Variants in AHI1 observed in about 807,000 individuals in gnomAD.
The protein encoded by AHI1 is Abelson helper integration site 1, also known as jouberin.
AHI1 carries 123 observed loss-of-function variants against 149.3 expected under a neutral mutation model. The ratio of observed to expected loss-of-function variants is 0.82; its 90% CI spans 0.71 to 0.96. AHI1 has a LOEUF of 0.96. Among genes scored for constraint, AHI1 ranks in the 40% least tolerant of loss-of-function variants. The pLI is 0.00. For synonymous variants in AHI1, 475 were observed against 459.8 expected (o/e 1.03, Z -0.42); for missense variants, 1,439 against 1,422.7 (o/e 1.01, Z -0.18).
rs755957905 is a variant in AHI1 at position 135,318,531 on chromosome 6, T to C, written c.3414A>G (p.Pro1138=). The C allele has an allele frequency of 3.8e-6, 6 of 1,588,550 alleles. No homozygotes were observed. In the South Asian group the frequency reaches 5.8e-5, roughly 15 times the overall value. The change falls in exon 26 of 29, where the codon CCA becomes CCG. Residue 1138 remains proline (P), a synonymous_variant. Coordinates refer to ENST00000265602, the MANE Select transcript of AHI1 (RefSeq NM_001134831.2). ...CAAAAACATTTACCTTTTGAGGAGC[T>C]GGAGATTTTTCTATTTTAGTTTTTT... ...PEEKTKIEKS[P]APQKQSINKN...
intron 20 of AHI1, among the ~76,000 whole-genome samples, chr6:135,423,198 T>C (rs975288102): frequency 1.1e-4 from 17 of 152,302 alleles, no homozygotes; most frequent in African/African-American, 3.6e-4. Flanking sequence ...CAGTAAATGC[T>C]TGATAAATGT....
intron 27 of AHI1, among the ~76,000 whole-genome samples, chr6:135,298,155 T>C (rs1418553415): frequency 6.6e-6 from 1 of 152,028 alleles, no homozygotes. Context: ...CAGCAGATAA[T>C]ATATGAAGAA....
intron 23 of AHI1, among the ~76,000 whole-genome samples, chr6:135,393,377 A>G (rs1778790060): frequency 6.6e-6 from 1 of 152,166 alleles, no homozygotes; most frequent in Non-Finnish European, 1.5e-5. Context: ...CCAGATATTT[A>G]CCTTCTAAGC....
intron 26 of AHI1, chr6:135,307,258 C>T (rs182054409): frequency 1.3e-5 from 2 of 151,980 alleles, no homozygotes; most frequent in Admixed American, 6.6e-5. Flanking sequence ...TTTTTATGTA[C>T]CTAAAGGGGA....
intron 23 of AHI1, among the ~76,000 whole-genome samples, chr6:135,361,124 G>C (rs2128440994): frequency 6.6e-6 from 1 of 151,840 alleles, no homozygotes; most frequent in South Asian, 2.1e-4. Context: ...ATTTTTTAAT[G>C]GCTAATGTAG....
At chr6:135,439,847 C>G (rs1057296555) in intron 14 of AHI1, among the ~76,000 whole-genome samples, 16 of 152,026 alleles carry the variant, frequency 1.1e-4, no homozygotes, top group African/African-American at 3.6e-4. Context: ...AACATATACC[C>G]TATGGAAAAA....
At chr6:135,416,033 T>A (rs1257739998) in intron 20 of AHI1, among the ~76,000 whole-genome samples, 3 of 152,100 alleles carry the variant, frequency 2.0e-5, no homozygotes. Context: ...CTTTTGGGGA[T>A]GAAATATGTT....
At chr6:135,393,326 A>C (rs1778785157) in intron 23 of AHI1, among the ~76,000 whole-genome samples, 1 of 152,168 alleles carries the variant, frequency 6.6e-6, no homozygotes, top group Non-Finnish European at 1.5e-5. Context: ...GACAGACATA[A>C]GATACTGCTT....
chr6:135,401,945 T>G (rs528934136), intron 22 of AHI1, among the ~76,000 whole-genome samples: 3 of 152,130 alleles, frequency 2.0e-5, no homozygotes, highest in Non-Finnish European at 4.4e-5. Flanking sequence ...ATAAGACACT[T>G]GTATCTAGAA....
Position 135,465,813 on chromosome 6 carries a change from C to A in AHI1, c.749+1G>T. On this transcript the variant is annotated splice_donor_variant, in intron 7 of 28. Transcript: ENST00000265602. LOFTEE classifies it high-confidence loss of function. ...TTTTACATTTATCAATGCAAAAATA[C>A]CTTGTTTCAGCTTTAGAGAAGACTG... The A allele has an allele frequency of 6.9e-7, 1 of 1,445,214 alleles. No individual in the cohort carries two copies. Among genetic ancestry groups the A allele is most frequent in the Non-Finnish European group, 9.1e-7 (1 of 1,100,548 alleles). 89.5% of individuals were successfully genotyped at this position (1,445,214 alleles called of 1,614,324 possible). A position where few individuals can be genotyped will look rare whatever the true frequency, so the allele number is the denominator to read the frequency against.
In AHI1 at chr6:135,433,209, G is replaced by A. The variant is rs1784911034; in HGVS notation, c.2084C>T (p.Pro695Leu). Residue 695 changes from proline (P) to leucine (L), a missense_variant, in exon 16 of 29, where the codon CCT becomes CTT. Coordinates refer to ENST00000265602, the MANE Select transcript of AHI1 (RefSeq NM_001134831.2). ...INNTNTFRVL[P>L]HPSFVYTAKF... ...AGCCGTGTAAACAAAAGAAGGATGA[G>A]GTAAAACTCTGAAAGTATTTGTATT... 1 of 1,612,040 alleles carries A rather than the reference G, an allele frequency of 6.2e-7. No homozygotes were observed. Among genetic ancestry groups the A allele is most frequent in the African/African-American group, 1.3e-5 (1 of 74,866 alleles).
chr6:135,463,499 T>C lies in AHI1; in HGVS notation c.750-193A>G, dbSNP rs536400319. Among the ~76,000 whole-genome samples, 122 of 152,064 alleles carry C rather than the reference T, an allele frequency of 8.0e-4. 1 individual carries two copies. The highest frequency in any genetic ancestry group is 1.4e-3 in the Non-Finnish European group (95 of 68,020). On this transcript the variant is annotated intron_variant, in intron 7 of 28. Transcript: ENST00000265602. ...TCAAATAGGTATCATAGGTGGTATT[T>C]TATACTTCGTGAGGAGTTACACGAT...
chr6:135,495,944 T>C (rs1002488198), intron 2 of AHI1, 46 bp from the exon 3 acceptor site: 1 of 152,174 alleles, frequency 6.6e-6, no homozygotes. Context: ...AATCAGTACA[T>C]TGCAATAAAA....
intron 26 of AHI1, among the ~76,000 whole-genome samples, chr6:135,317,658 C>T (rs1786175890): frequency 6.6e-6 from 1 of 152,068 alleles, no homozygotes; most frequent in Non-Finnish European, 1.5e-5. Context: ...AGGGCAAGTG[C>T]CTTGCCTACT....
chr6:135,358,203 A>G lies in AHI1; in HGVS notation c.3110-16T>C. On this transcript the variant is annotated splice_polypyrimidine_tract_variant and intron_variant, in intron 23 of 28. Coordinates refer to ENST00000265602, the MANE Select transcript of AHI1 (RefSeq NM_001134831.2). ...CTGATAATCCCTGTGGAAAGAAAAC[A>G]TTGTGAGTATTTGGTTATTAAGCCT... 1 of 1,607,370 alleles carries G rather than the reference A, an allele frequency of 6.2e-7. No homozygotes were observed. Among genetic ancestry groups the G allele is most frequent in the Non-Finnish European group, 8.5e-7 (1 of 1,175,958 alleles).
At position 135,358,094 on chromosome 6, in the gene AHI1, CTT is replaced by C. The variant is rs1793270089; in HGVS notation, c.3165+36_3165+37del. 5 of 1,592,544 alleles carry C rather than the reference CTT, an allele frequency of 3.1e-6. No individual in the cohort carries two copies. The East Asian group carries it at 9.0e-5, about 29-fold the overall frequency. On this transcript the variant is annotated intron_variant, in intron 24 of 28. Transcript: ENST00000265602. ...TATAACCAGTATAATTTTGTACTTT[CTT>C]AACACTTTTAACAACGTAGCAACAG...
At chr6:135,434,974 T>TGGCA in intron 15 of AHI1, among the ~76,000 whole-genome samples, 1 of 152,310 alleles carries the variant, frequency 6.6e-6, no homozygotes, top group Non-Finnish European at 1.5e-5. Flanking sequence ...TAAACCCATA[T>TGGCA]GGCAGAAAGC....
At chr6:135,481,769 A>C (rs1194136232) in intron 5 of AHI1, among the ~76,000 whole-genome samples, 2 of 146,426 alleles carry the variant, frequency 1.4e-5, no homozygotes, top group Non-Finnish European at 3.0e-5. Flanking sequence ...GCTTTTGTGC[A>C]CCTCAAAAAG....
chr6:135,476,878 A>G (rs1254578922), intron 5 of AHI1, among the ~76,000 whole-genome samples: 1 of 152,108 alleles, frequency 6.6e-6, no homozygotes, highest in Non-Finnish European at 1.5e-5. Flanking sequence ...CAAGTTTCTT[A>G]TAGTCAACAT....
Sources: gnomAD v4.1 joint callset for allele counts (sites outside exome capture counted in the v4.1 genomes callset) on GRCh38, gnomAD v4.1.1 for gene constraint, MANE v1.5 for transcripts, NCBI Gene and HGNC (gene_info 2026-07-23, HGNC 2026-07-21) for gene names.